GLI3: variants seen among roughly 807,000 people sequenced by gnomAD.
The protein encoded by GLI3 is transcription activator GLI3.
Under a neutral mutation model 100.8 loss-of-function variants are expected in GLI3, and 20 were observed. The observed-to-expected ratio is 0.20, with a 90% CI of 0.14 to 0.29. GLI3 has a LOEUF of 0.29. GLI3 is among the 10% of genes least tolerant of loss of function. The probability of loss-of-function intolerance (pLI) is 1.00; values close to 1 mark genes in which losing one functional copy is unlikely to be tolerated. For synonymous variants in GLI3, 938 were observed against 860.5 expected (o/e 1.09, Z -1.58); for missense variants, 2,040 against 2,128.5 (o/e 0.96, Z 0.82).
chr7:42,060,805 G>T (rs1344217742), intron 4 of GLI3, among the ~76,000 whole-genome samples: 1 of 152,122 alleles, frequency 6.6e-6, no homozygotes, highest in Non-Finnish European at 1.5e-5. Flanking sequence ...GAAAACTCCT[G>T]GGATAAGTGA....
At chr7:42,022,818 G>T (rs1788982070) in intron 10 of GLI3, among the ~76,000 whole-genome samples, 2 of 152,208 alleles carry the variant, frequency 1.3e-5, no homozygotes, top group African/African-American at 2.4e-5. Context: ...GAAATGATAT[G>T]CAGGAGAGTG....
intron 10 of GLI3, among the ~76,000 whole-genome samples, chr7:41,997,882 C>A (rs1321123419): frequency 6.6e-6 from 1 of 152,158 alleles, no homozygotes; most frequent in East Asian, 1.9e-4. Context: ...AAGCCGTTCA[C>A]CAATCCAGAT....
At chr7:41,980,387 A>G (rs1787627931) in intron 10 of GLI3, among the ~76,000 whole-genome samples, 1 of 152,216 alleles carries the variant, frequency 6.6e-6, no homozygotes, top group South Asian at 2.1e-4. Context: ...TAGCCCATAC[A>G]CAAGACCAGG....
intron 1 of GLI3, among the ~76,000 whole-genome samples, chr7:42,226,447 A>G (rs1312918270): frequency 1.3e-5 from 2 of 152,226 alleles, no homozygotes; most frequent in Non-Finnish European, 2.9e-5. Flanking sequence ...CCCAATGCTC[A>G]TCACCATAGA....
chr7:42,178,436 T>C (rs1276304577), intron 2 of GLI3, among the ~76,000 whole-genome samples: 1 of 152,164 alleles, frequency 6.6e-6, no homozygotes, highest in Admixed American at 6.5e-5. Context: ...TTTGAAAAGA[T>C]AGCCCACTCC....
intron 12 of GLI3, among the ~76,000 whole-genome samples, chr7:41,973,564 G>A (rs944765547): frequency 2.0e-5 from 3 of 152,060 alleles, no homozygotes. Context: ...TTGTTCACTT[G>A]GCTTAAAATA....
intron 3 of GLI3, among the ~76,000 whole-genome samples, chr7:42,095,332 C>G (rs1562726585): frequency 6.6e-6 from 1 of 152,186 alleles, no homozygotes; most frequent in Non-Finnish European, 1.5e-5. Context: ...GAAGATGAGG[C>G]CAGGCCTGTT....
intron 7 of GLI3, among the ~76,000 whole-genome samples, chr7:42,036,110 G>A (rs1789430120): frequency 6.6e-6 from 1 of 152,124 alleles, no homozygotes; most frequent in Admixed American, 6.5e-5. Flanking sequence ...TATTTTTATA[G>A]TAGTCTGGAT....
At chr7:42,189,887 T>C (rs1411146553) in intron 2 of GLI3, among the ~76,000 whole-genome samples, 1 of 152,010 alleles carries the variant, frequency 6.6e-6, no homozygotes, top group East Asian at 1.9e-4. Context: ...TCTATCATCA[T>C]CTAATATTAT....
intron 10 of GLI3, among the ~76,000 whole-genome samples, chr7:41,979,281 T>C (rs1225031635): frequency 6.6e-6 from 1 of 152,196 alleles, no homozygotes; most frequent in African/African-American, 2.4e-5. Context: ...AATGAAACTT[T>C]AGCTCAGGGT....
chr7:42,093,105 C>T (rs1460678221), intron 3 of GLI3, among the ~76,000 whole-genome samples: 1 of 152,054 alleles, frequency 6.6e-6, no homozygotes, highest in Non-Finnish European at 1.5e-5. Flanking sequence ...TGAGCCACCG[C>T]GCCTGGCCAG....
At chr7:42,018,759 T>C (rs939787038) in intron 10 of GLI3, among the ~76,000 whole-genome samples, 1 of 152,226 alleles carries the variant, frequency 6.6e-6, no homozygotes, top group Non-Finnish European at 1.5e-5. Context: ...GAAAGCATTT[T>C]AAAATCCAAG....
Position 42,148,469 on chromosome 7 carries a change from C to CT in GLI3, c.125-2dup. On this transcript the variant is annotated splice_acceptor_variant, in intron 2 of 14. Transcript: ENST00000395925. LOFTEE classifies it high-confidence loss of function. ...TAAGTCTGTCCAGGACTTTCATCCT[C>CT]TAAAGAAAGAAGAAAAATGAAAGAC... 1.2e-6 allele frequency: 2 copies of CT among 1,613,294 alleles called. No homozygotes were observed. Among genetic ancestry groups the CT allele is most frequent in the Non-Finnish European group, 1.7e-6 (2 of 1,179,326 alleles).
intron 13 of GLI3, among the ~76,000 whole-genome samples, chr7:41,969,039 T>C (rs1168015482): frequency 6.6e-6 from 1 of 152,120 alleles, no homozygotes. Context: ...GTGCCCAATA[T>C]CTGGGGATTA....
chr7:42,138,163 A>C (rs1344593426), intron 3 of GLI3, among the ~76,000 whole-genome samples: 1 of 152,202 alleles, frequency 6.6e-6, no homozygotes, highest in Non-Finnish European at 1.5e-5. Context: ...AAAACACTGC[A>C]CAAAGTTTTT....
At chr7:41,988,486 T>C (rs376556055) in intron 10 of GLI3, among the ~76,000 whole-genome samples, 1 of 29,818 alleles carries the variant, frequency 3.4e-5, no homozygotes, top group Admixed American at 3.3e-4. Flanking sequence ...GGGGGGGGGG[T>C]GGGGCCTTAA....
chr7:42,111,304 G>A (rs1785700594), intron 3 of GLI3, among the ~76,000 whole-genome samples: 1 of 152,162 alleles, frequency 6.6e-6, no homozygotes, highest in Non-Finnish European at 1.5e-5. Flanking sequence ...GATCTGCTCA[G>A]GTGAGGCAAG....
At position 42,048,699 on chromosome 7, in the gene GLI3, G is replaced by A. The variant is rs750653037; in HGVS notation, c.474-3C>T. The A allele has an allele frequency of 7.7e-5, 124 of 1,603,728 alleles. No homozygotes were observed. The highest frequency in any genetic ancestry group is 1.6e-4 in the Middle Eastern group (1 of 6,066). ...GGCTACTAGATAAGGCGGAAGTCCT[G>A]GGTACAAAGAAAACCAGATACAAGG... On this transcript the variant is annotated splice_region_variant and splice_polypyrimidine_tract_variant and intron_variant, in intron 4 of 14. Transcript: ENST00000395925.
chr7:42,217,464 C>T (rs913420474), intron 2 of GLI3, among the ~76,000 whole-genome samples: 3 of 152,010 alleles, frequency 2.0e-5, no homozygotes, highest in Admixed American at 6.5e-5. Context: ...AAATCTAATT[C>T]GAATACAGCA....
Sources: allele counts gnomAD v4.1 joint callset (sites outside exome capture counted in the v4.1 genomes callset), GRCh38; gene constraint gnomAD v4.1.1; transcripts MANE v1.5; gene names NCBI Gene and HGNC (gene_info 2026-07-23, HGNC 2026-07-21).